The following TMTC2 variants were observed in gnomAD, a reference collection of about 807,000 sequenced individuals.
TMTC2 encodes the protein transmembrane O-mannosyltransferase targeting cadherins 2, also known as protein O-mannosyl-transferase TMTC2.
Under a neutral mutation model 82.4 loss-of-function variants are expected in TMTC2, and 43 were observed. That is an observed-to-expected ratio of 0.52 (90% confidence interval 0.41 to 0.67). The LOEUF (loss-of-function observed/expected upper bound fraction) is 0.67. Ranked by LOEUF, TMTC2 falls within the 30% of genes least tolerant of loss-of-function variation. TMTC2 has a pLI of 0.00. For missense variants in TMTC2, 919 were observed against 1,012.4 expected, an observed-to-expected ratio of 0.91 and a Z score of 1.25; for synonymous variants, 408 against 381.9, an observed-to-expected ratio of 1.07 and a Z score of -0.80.
intron 3 of TMTC2, among the ~76,000 whole-genome samples, chr12:82,925,139 A>G (rs1417867284): frequency 6.6e-6 from 1 of 152,132 alleles, no homozygotes; most frequent in African/African-American, 2.4e-5. Flanking sequence ...ATTTTCCTAA[A>G]TCTGTGATAT....
In TMTC2 at chr12:82,819,497, C is replaced by CTT. The variant is rs766912583; in HGVS notation, c.84-37493_84-37492dup. 1.2e-3 allele frequency among the ~76,000 whole-genome samples: 144 copies of CTT among 118,216 alleles called. 1 individual carries two copies. The highest frequency in any genetic ancestry group is 1.5e-3 in the Non-Finnish European group (86 of 58,742). The allele number at this position is 118,216 out of a possible 152,430, so 77.6% of individuals were successfully genotyped here. On this transcript the variant is annotated intron_variant, in intron 1 of 11. Transcript: ENST00000321196. Reference sequence around the variant, plus strand: ...CATAGTACTTTTTCTTTCTCTCTTTCTTTTTTTTTTTTTTTTTTTTTGAGA... The same window carrying CTT: ...CATAGTACTTTTTCTTTCTCTCTTTCTTTTTTTTTTTTTTTTTTTTTTTGAGA...
At chr12:82,981,791 T>A (rs970446421) in intron 7 of TMTC2, among the ~76,000 whole-genome samples, 2 of 151,886 alleles carry the variant, frequency 1.3e-5, no homozygotes, top group Non-Finnish European at 2.9e-5. Flanking sequence ...CCTGTGGCCA[T>A]TTCCTTTATG....
At chr12:82,843,190 G>T (rs1469603890) in intron 1 of TMTC2, among the ~76,000 whole-genome samples, 1 of 151,936 alleles carries the variant, frequency 6.6e-6, no homozygotes, top group South Asian at 2.1e-4. Flanking sequence ...GGGTTCAAGC[G>T]ATTCTCCTGT....
intron 3 of TMTC2, among the ~76,000 whole-genome samples, chr12:82,901,295 T>A (rs1874001635): frequency 8.0e-6 from 1 of 125,016 alleles, no homozygotes; most frequent in African/African-American, 3.5e-5. Context: ...TATATATATA[T>A]ATATATTTTT....
chr12:82,868,996 T>A (rs1313360908), intron 2 of TMTC2, among the ~76,000 whole-genome samples: 4 of 152,206 alleles, frequency 2.6e-5, no homozygotes, highest in Non-Finnish European at 4.4e-5. Context: ...CAGACCAAAT[T>A]ATTTTTACAG....
chr12:82,936,049 A>G (rs1876298628), intron 4 of TMTC2, among the ~76,000 whole-genome samples: 2 of 152,092 alleles, frequency 1.3e-5, no homozygotes, highest in Admixed American at 1.3e-4. Flanking sequence ...CAATTTTAAG[A>G]CTGAGAAAAG....
At chr12:82,859,388 C>T (rs1371854463) in intron 2 of TMTC2, among the ~76,000 whole-genome samples, 2 of 152,042 alleles carry the variant, frequency 1.3e-5, no homozygotes, top group African/African-American at 2.4e-5. Context: ...ACAGAATTTC[C>T]ATCTTACCAT....
At chr12:82,728,801 C>T (rs573823674) in intron 1 of TMTC2, among the ~76,000 whole-genome samples, 48 of 152,338 alleles carry the variant, frequency 3.2e-4, no homozygotes, top group Middle Eastern at 3.4e-3. Flanking sequence ...TGGGGCTGCA[C>T]GCAGTGCTTG....
intron 11 of TMTC2, among the ~76,000 whole-genome samples, chr12:83,104,864 A>C (rs1199660586): frequency 5.3e-5 from 8 of 152,242 alleles, no homozygotes; most frequent in South Asian, 2.1e-4. Context: ...AGAATGTCCA[A>C]ACTTTTATGC....
chr12:82,972,424 T>C (rs1878491479), intron 7 of TMTC2, among the ~76,000 whole-genome samples: 1 of 152,178 alleles, frequency 6.6e-6, no homozygotes, highest in African/African-American at 2.4e-5. Context: ...ATATCTTCAA[T>C]AAAGAGGAAC....
chr12:82,856,916 A>G, intron 1 of TMTC2, 94 bp from the exon 2 acceptor site: 1 of 1,242,792 alleles, frequency 8.0e-7, no homozygotes, highest in South Asian at 1.5e-5. Flanking sequence ...ACATAGTAAC[A>G]AAGCTTCTGA....
At chr12:82,841,170 A>G (rs1870314264) in intron 1 of TMTC2, among the ~76,000 whole-genome samples, 1 of 152,338 alleles carries the variant, frequency 6.6e-6, no homozygotes, top group Middle Eastern at 3.4e-3. Flanking sequence ...TTTTCACATA[A>G]CATTTATCAT....
At chr12:83,075,790 C>G (rs554712337) in intron 11 of TMTC2, among the ~76,000 whole-genome samples, 1 of 152,342 alleles carries the variant, frequency 6.6e-6, no homozygotes, top group South Asian at 2.1e-4. Flanking sequence ...AAACTCCTTT[C>G]TACTCTAGAT....
intron 11 of TMTC2, among the ~76,000 whole-genome samples, chr12:83,073,809 T>C (rs1850531): frequency 0.47 from 71,761 of 151,876 alleles, 17,263 homozygotes; most frequent in African/African-American, 0.56. Context: ...AAAGTATGTC[T>C]ATAATTTCCT....
chr12:82,818,771 G>A (rs1434232151), intron 1 of TMTC2, among the ~76,000 whole-genome samples: 2 of 152,028 alleles, frequency 1.3e-5, no homozygotes, highest in Non-Finnish European at 2.9e-5. Flanking sequence ...TTGACATGGG[G>A]CTTGTTCTGG....
chr12:82,953,032 T>C (rs1201851075), intron 4 of TMTC2, among the ~76,000 whole-genome samples: 1 of 152,174 alleles, frequency 6.6e-6, no homozygotes, highest in African/African-American at 2.4e-5. Context: ...AGATGTGCAG[T>C]CCTTGCTGGT....
At chr12:82,958,354 C>CA (rs750819932) in intron 4 of TMTC2, among the ~76,000 whole-genome samples, 998 of 19,846 alleles carry the variant, frequency 0.05, 31 homozygotes, top group East Asian at 0.23. Flanking sequence ...GAGTCTGTCT[C>CA]AAAAAAAAAA....
At chr12:82,717,991 G>A (rs1282080424) in intron 1 of TMTC2, among the ~76,000 whole-genome samples, 2 of 152,176 alleles carry the variant, frequency 1.3e-5, no homozygotes, top group East Asian at 3.8e-4. Context: ...AGGAGCAAAA[G>A]AGTGCCTGCC....
intron 1 of TMTC2, among the ~76,000 whole-genome samples, chr12:82,839,958 A>G (rs1870246639): frequency 1.3e-5 from 2 of 152,156 alleles, no homozygotes; most frequent in African/African-American, 2.4e-5. Flanking sequence ...TGCAAGCAAA[A>G]TTTCACATGG....
Sources: gnomAD v4.1 joint callset for allele counts (sites outside exome capture counted in the v4.1 genomes callset) on GRCh38, gnomAD v4.1.1 for gene constraint, MANE v1.5 for transcripts, NCBI Gene and HGNC (gene_info 2026-07-23, HGNC 2026-07-21) for gene names.